PACC1: variants seen among roughly 807,000 people sequenced by gnomAD.
The protein encoded by PACC1 is proton-activated chloride channel.
A neutral mutation model predicts 39.7 loss-of-function variants in PACC1; 34 were observed. That is an observed-to-expected ratio of 0.86 (90% CI 0.65 to 1.14). PACC1 has a LOEUF of 1.14. Ranked by LOEUF, PACC1 falls within the 50% of genes most tolerant of loss-of-function variation. The pLI is 0.00. For missense variants in PACC1, 379 were observed against 436.4 expected, an observed-to-expected ratio of 0.87 and a Z score of 1.17; for synonymous variants, 127 against 160.6, an observed-to-expected ratio of 0.79 and a Z score of 1.58.
chr1:212,380,481 A>G (rs1001115866), intron 4 of PACC1, among the ~76,000 whole-genome samples: 1 of 152,134 alleles, frequency 6.6e-6, no homozygotes, highest in African/African-American at 2.4e-5. Context: ...AGCCAAAATT[A>G]TATCAATATT....
intron 1 of PACC1, among the ~76,000 whole-genome samples, chr1:212,411,920 C>T (rs1226305085): frequency 6.6e-6 from 1 of 152,036 alleles, no homozygotes; most frequent in Non-Finnish European, 1.5e-5. Context: ...GTGGGCGGAT[C>T]GCCTGAGGTC....
At chr1:212,385,711 A>G (rs1571651248) in intron 3 of PACC1, among the ~76,000 whole-genome samples, 1 of 151,738 alleles carries the variant, frequency 6.6e-6, no homozygotes. Context: ...CCCGCTCCAC[A>G]CCCTCCGAAG....
At chr1:212,377,740 CAA>C (rs780499053) in intron 5 of PACC1, 34 bp from the exon 6 acceptor site, 5 of 1,610,054 alleles carry the variant, frequency 3.1e-6, no homozygotes, top group Middle Eastern at 3.3e-4. Flanking sequence ...AGATCCAGGT[CAA>C]TGCAGGTCTG....
chr1:212,377,741 A>G lies in PACC1; in HGVS notation c.639-35T>C, dbSNP rs746640054. 3.1e-6 allele frequency: 5 copies of G among 1,610,224 alleles called. No homozygotes were observed. In the African/African-American group the frequency reaches 6.7e-5, roughly 22 times the overall value. Reference sequence around the variant, plus strand: ...AGGAAGGAGAAGGAAGATCCAGGTCAATGCAGGTCTGGCAGCAGGAGTCGA... The same window carrying G: ...AGGAAGGAGAAGGAAGATCCAGGTCGATGCAGGTCTGGCAGCAGGAGTCGA... On this transcript the variant is annotated intron_variant, in intron 5 of 7. Transcript: ENST00000261455.
chr1:212,392,200 C>T (rs551911328), intron 2 of PACC1, among the ~76,000 whole-genome samples: 30 of 152,172 alleles, frequency 2.0e-4, no homozygotes, highest in Non-Finnish European at 3.7e-4. Flanking sequence ...AGAGAAAGGT[C>T]GGGTTACCCA....
Position 212,410,944 on chromosome 1 carries a change from C to T in PACC1, c.37-423G>A, listed in dbSNP as rs149406386. On this transcript the variant is annotated intron_variant, in intron 1 of 7. Transcript: ENST00000261455. ...GTAGAGGCATCCAATCTCCACTCTC[C>T]GCTGCCATCTTTACAAGGTGTGCTC... Among the ~76,000 whole-genome samples, 245 of 152,260 alleles carry T rather than the reference C, an allele frequency of 1.6e-3. 4 individuals are homozygous for T. The South Asian group carries it at 0.027, about 17-fold the overall frequency.
intron 2 of PACC1, among the ~76,000 whole-genome samples, chr1:212,388,153 C>T (rs1364550448): frequency 6.6e-6 from 1 of 152,128 alleles, no homozygotes; most frequent in Non-Finnish European, 1.5e-5. Flanking sequence ...TCAGTGTTCC[C>T]AGGGAGCCCT....
chr1:212,414,117 A>C, intron 1 of PACC1: 1 of 1,492,012 alleles, frequency 6.7e-7, no homozygotes, highest in South Asian at 1.3e-5. Context: ...AAGAACTGGA[A>C]AGTGATAAAG....
chr1:212,409,070 G>A (rs907129081), intron 2 of PACC1, among the ~76,000 whole-genome samples: 6 of 152,178 alleles, frequency 3.9e-5, no homozygotes, highest in Non-Finnish European at 8.8e-5. Context: ...TCTAGGTTGT[G>A]TGCTCCTTAT....
chr1:212,393,513 C>T (rs556102557), intron 2 of PACC1, among the ~76,000 whole-genome samples: 1 of 152,266 alleles, frequency 6.6e-6, no homozygotes, highest in African/African-American at 2.4e-5. Context: ...ATACTGACAT[C>T]ACAATTAAAA....
chr1:212,387,211 G>C, intron 2 of PACC1, 111 bp from the exon 3 acceptor site: 1 of 1,013,020 alleles, frequency 9.9e-7, no homozygotes, highest in Non-Finnish European at 1.5e-6. Context: ...GAAGTCACCT[G>C]CACGCCCAAC....
intron 7 of PACC1, among the ~76,000 whole-genome samples, chr1:212,366,847 A>T (rs1660263561): frequency 6.6e-6 from 1 of 152,134 alleles, no homozygotes; most frequent in South Asian, 2.1e-4. Flanking sequence ...TCCATAATTA[A>T]TAGTGGTAGT....
chr1:212,406,969 G>C (rs1350267604), intron 2 of PACC1, among the ~76,000 whole-genome samples: 1 of 152,150 alleles, frequency 6.6e-6, no homozygotes, highest in East Asian at 1.9e-4. Context: ...TTCTGGTTGG[G>C]GGCAAGAGGG....
chr1:212,398,719 T>C (rs1315482177), intron 2 of PACC1, among the ~76,000 whole-genome samples: 1 of 152,192 alleles, frequency 6.6e-6, no homozygotes, highest in Non-Finnish European at 1.5e-5. Flanking sequence ...TAATAGACAC[T>C]GTGTCAATTT....
Position 212,395,090 on chromosome 1 carries a change from A to G in PACC1, c.134-7990T>C, listed in dbSNP as rs532492727. ...TCACAGAATTGGAAAAAACTACTTTAAAGTTCATATGGAACCAAAAAAGAG... is the reference window on the plus strand; with the variant it reads ...TCACAGAATTGGAAAAAACTACTTTGAAGTTCATATGGAACCAAAAAAGAG... On this transcript the variant is annotated intron_variant, in intron 2 of 7. Coordinates refer to ENST00000261455, the MANE Select transcript of PACC1 (RefSeq NM_018252.3). Among the ~76,000 whole-genome samples, 524 of 152,294 alleles carry G rather than the reference A, an allele frequency of 3.4e-3. 4 individuals are homozygous for G. The highest frequency in any genetic ancestry group is 0.011 in the African/African-American group (465 of 41,548).
chr1:212,400,576 G>GT (rs1337314366), intron 2 of PACC1, among the ~76,000 whole-genome samples: 1 of 151,942 alleles, frequency 6.6e-6, no homozygotes, highest in Non-Finnish European at 1.5e-5. Flanking sequence ...CTTGCTATAA[G>GT]TAACACTCCA....
chr1:212,408,223 G>A (rs1283941807), intron 2 of PACC1, among the ~76,000 whole-genome samples: 1 of 152,078 alleles, frequency 6.6e-6, no homozygotes, highest in Non-Finnish European at 1.5e-5. Flanking sequence ...TGTAAAAGGG[G>A]GATAACCACT....
At chr1:212,398,176 A>T (rs2102523797) in intron 2 of PACC1, among the ~76,000 whole-genome samples, 1 of 152,370 alleles carries the variant, frequency 6.6e-6, no homozygotes, top group East Asian at 1.9e-4. Flanking sequence ...AAAATAGCAA[A>T]AATAAAGATC....
intron 7 of PACC1, among the ~76,000 whole-genome samples, chr1:212,366,578 C>A (rs1660254113): frequency 6.6e-6 from 1 of 152,046 alleles, no homozygotes; most frequent in Non-Finnish European, 1.5e-5. Context: ...TACTTCTAAG[C>A]TCAATTTAGC....
Sources: gnomAD v4.1 joint callset for allele counts (sites outside exome capture counted in the v4.1 genomes callset) on GRCh38, gnomAD v4.1.1 for gene constraint, MANE v1.5 for transcripts, NCBI Gene and HGNC (gene_info 2026-07-23, HGNC 2026-07-21) for gene names.